Variants in SLCO3A1 observed in about 807,000 individuals in gnomAD.
SLCO3A1 encodes solute carrier organic anion transporter family member 3A1, also known as PGE1 transporter.
SLCO3A1 carries 27 observed loss-of-function variants against 63.1 expected under a neutral mutation model. That is an observed-to-expected ratio of 0.43 (90% CI 0.32 to 0.59). The LOEUF (loss-of-function observed/expected upper bound fraction) is 0.59. Ranked by LOEUF, SLCO3A1 falls within the 20% of genes least tolerant of loss-of-function variation. The probability of loss-of-function intolerance (pLI) is 0.09; values close to 1 mark genes in which losing one functional copy is unlikely to be tolerated. For missense variants in SLCO3A1, 773 were observed against 945.8 expected, an observed-to-expected ratio of 0.82 and a Z score of 2.40; for synonymous variants, 473 against 409.9, an observed-to-expected ratio of 1.15 and a Z score of -1.86.
intron 2 of SLCO3A1, among the ~76,000 whole-genome samples, chr15:92,069,426 A>G (rs769944999): frequency 1.4e-4 from 22 of 152,364 alleles, no homozygotes; most frequent in Non-Finnish European, 3.1e-4. Context: ...TCTCACTGAA[A>G]GGTCATGCCC....
At chr15:92,044,927 G>A (rs950168874) in intron 2 of SLCO3A1, among the ~76,000 whole-genome samples, 2 of 152,138 alleles carry the variant, frequency 1.3e-5, no homozygotes, top group Non-Finnish European at 2.9e-5. Context: ...CACCCTCTGA[G>A]CATCCTTCCA....
At chr15:91,984,871 G>A (rs945461579) in intron 2 of SLCO3A1, among the ~76,000 whole-genome samples, 10 of 152,104 alleles carry the variant, frequency 6.6e-5, no homozygotes, top group African/African-American at 2.4e-4. Flanking sequence ...GGAATGAGAG[G>A]CCCTGCCATT....
intron 2 of SLCO3A1, among the ~76,000 whole-genome samples, chr15:91,939,978 CT>C (rs1299030361): frequency 1.3e-5 from 2 of 152,192 alleles, no homozygotes; most frequent in Admixed American, 1.3e-4. Flanking sequence ...ACCTTGAACC[CT>C]GGCAGTCAGG....
At chr15:91,928,794 G>T (rs1473293465) in intron 2 of SLCO3A1, among the ~76,000 whole-genome samples, 1 of 152,194 alleles carries the variant, frequency 6.6e-6, no homozygotes, top group Non-Finnish European at 1.5e-5. Flanking sequence ...CATGTGAGTT[G>T]TTTTCAAAAT....
In SLCO3A1 at chr15:92,104,408, A is replaced by T. The variant is rs138995770; in HGVS notation, c.875A>T (p.His292Leu). 5 of 1,614,026 alleles carry T rather than the reference A, an allele frequency of 3.1e-6. No individual in the cohort carries two copies. Among genetic ancestry groups the T allele is most frequent in the African/African-American group, 1.3e-5 (1 of 74,970 alleles). The change falls in exon 4 of 10, where the codon CAC becomes CTC. Residue 292 changes from histidine to leucine, a missense_variant. By Grantham distance (99) the His-to-Leu change is moderately conservative (BLOSUM62 -3). Around this residue, in one of 3 missense-constraint regions of SLCO3A1, gnomAD observed 565 missense variants for 749.8 expected, o/e 0.75. Coordinates refer to ENST00000318445, the MANE Select transcript of SLCO3A1 (RefSeq NM_013272.4). ...GGGTTTCCACAGTCCCTGCCCCCGC[A>T]CTCAGAGCCCGCCATGGAAAGCGAG... The part of the protein sequence containing the change: ...MFGFPQSLPP[H>L]SEPAMESEQA...
chr15:92,172,283 G>C (rs79114926), exon 11 of SLCO3A1: 1,699 of 164,150 alleles, frequency 0.01, 27 homozygotes, highest in African/African-American at 0.038. Context: ...TAGAATGGAG[G>C]GGGGAAAAAG....
At chr15:91,929,764 A>T (rs1041678249) in intron 2 of SLCO3A1, among the ~76,000 whole-genome samples, 1 of 152,094 alleles carries the variant, frequency 6.6e-6, no homozygotes, top group African/African-American at 2.4e-5. Flanking sequence ...TGACTACTCT[A>T]AGTGCCTCAG....
chr15:91,905,017 T>C (rs1356046101), intron 1 of SLCO3A1, among the ~76,000 whole-genome samples: 1 of 152,184 alleles, frequency 6.6e-6, no homozygotes, highest in African/African-American at 2.4e-5. Flanking sequence ...ACAAGTAGAA[T>C]TTGAAGGCCA....
At chr15:91,973,590 G>A (rs1012801534) in intron 2 of SLCO3A1, among the ~76,000 whole-genome samples, 1 of 152,334 alleles carries the variant, frequency 6.6e-6, no homozygotes, top group African/African-American at 2.4e-5. Context: ...GCGAGTTAGG[G>A]CAGAGCTTCT....
intron 2 of SLCO3A1, among the ~76,000 whole-genome samples, chr15:91,929,221 T>C (rs1899137222): frequency 6.6e-6 from 1 of 152,210 alleles, no homozygotes; most frequent in Admixed American, 6.5e-5. Flanking sequence ...GGTTACACGA[T>C]GGATGGATTG....
chr15:91,991,076 T>C (rs765405389), intron 2 of SLCO3A1, among the ~76,000 whole-genome samples: 7 of 152,194 alleles, frequency 4.6e-5, no homozygotes, highest in Admixed American at 1.3e-4. Context: ...TTGTTTTTAA[T>C]TGCCTGATTT....
At chr15:92,071,741 A>C (rs915365844) in intron 2 of SLCO3A1, among the ~76,000 whole-genome samples, 5 of 152,134 alleles carry the variant, frequency 3.3e-5, no homozygotes, top group Non-Finnish European at 7.3e-5. Context: ...ATGTCCTTTC[A>C]TCTCTTGGGC....
chr15:92,123,933 C>T (rs1043936120), intron 5 of SLCO3A1, among the ~76,000 whole-genome samples: 7 of 152,212 alleles, frequency 4.6e-5, no homozygotes, highest in African/African-American at 1.4e-4. Context: ...GTGTGCTTGG[C>T]AGGAGGCACC....
intron 2 of SLCO3A1, among the ~76,000 whole-genome samples, chr15:91,999,844 C>T (rs997605882): frequency 2.6e-5 from 4 of 152,184 alleles, no homozygotes; most frequent in Admixed American, 6.5e-5. Context: ...TTTTCTATTA[C>T]AAGTCAGCAA....
chr15:91,870,913 G>A (rs1430618088), intron 1 of SLCO3A1, among the ~76,000 whole-genome samples: 6 of 151,076 alleles, frequency 4.0e-5, no homozygotes, highest in Non-Finnish European at 8.8e-5. Context: ...TTGGGTTCTT[G>A]ATGTATTGAA....
intron 2 of SLCO3A1, among the ~76,000 whole-genome samples, chr15:91,975,589 C>G (rs1288282258): frequency 6.6e-6 from 1 of 152,216 alleles, no homozygotes; most frequent in Non-Finnish European, 1.5e-5. Flanking sequence ...TCTGTGGCAG[C>G]AGGTTCTAGG....
chr15:92,072,295 GTTTTCTTTTTCT>G (rs932289667), intron 2 of SLCO3A1, among the ~76,000 whole-genome samples: 17 of 148,250 alleles, frequency 1.1e-4, no homozygotes, highest in Admixed American at 7.4e-4. Context: ...CTCAACCTTT[GTTTTCTTTTTCT>G]TTTTCTTTTT....
At chr15:91,905,241 T>C (rs1898265698) in intron 1 of SLCO3A1, among the ~76,000 whole-genome samples, 1 of 152,224 alleles carries the variant, frequency 6.6e-6, no homozygotes, top group Middle Eastern at 3.2e-3. Flanking sequence ...TGCTAGACCT[T>C]AATTTTAAAA....
At chr15:91,902,400 T>A (rs1163764473) in intron 1 of SLCO3A1, among the ~76,000 whole-genome samples, 1 of 152,036 alleles carries the variant, frequency 6.6e-6, no homozygotes, top group African/African-American at 2.4e-5. Flanking sequence ...TAAGGATCCC[T>A]ATGGCTGATC....
Sources: gnomAD v4.1 joint callset for allele counts (sites outside exome capture counted in the v4.1 genomes callset) on GRCh38, gnomAD v4.1.1 for gene constraint, gnomAD v4.1.1 regional missense constraint, MANE v1.5 for transcripts, NCBI Gene and HGNC (gene_info 2026-07-23, HGNC 2026-07-21) for gene names.